The following TMEM178B variants were observed in gnomAD, a reference collection of about 807,000 sequenced individuals.
The protein encoded by TMEM178B is transmembrane protein 178B.
Under a neutral mutation model 31.0 loss-of-function variants are expected in TMEM178B, and 5 were observed. The observed-to-expected ratio is 0.16, with a 90% confidence interval of 0.08 to 0.34. TMEM178B has a LOEUF of 0.34. TMEM178B is among the 10% of genes least tolerant of loss of function. The pLI is 1.00. For synonymous variants in TMEM178B, 164 were observed against 164.0 expected (o/e 1.00, Z 0.00); for missense variants, 275 against 400.3 (o/e 0.69, Z 2.67).
intron 2 of TMEM178B, among the ~76,000 whole-genome samples, chr7:141,217,732 A>G (rs536357303): frequency 6.6e-6 from 1 of 152,128 alleles, no homozygotes; most frequent in East Asian, 1.9e-4. Flanking sequence ...AGCTGTTACT[A>G]AGGTTCCCTC....
intron 2 of TMEM178B, among the ~76,000 whole-genome samples, chr7:141,366,001 T>A (rs1799997547): frequency 6.6e-6 from 1 of 152,182 alleles, no homozygotes; most frequent in African/African-American, 2.4e-5. Context: ...GCCTCTCCCA[T>A]CTCTTGGAGC....
intron 1 of TMEM178B, among the ~76,000 whole-genome samples, chr7:141,179,428 G>A (rs572373370): frequency 9.8e-4 from 149 of 152,310 alleles, no homozygotes; most frequent in Non-Finnish European, 1.8e-3. Context: ...GCAAGGAGAG[G>A]CTTTCTGATA....
intron 2 of TMEM178B, among the ~76,000 whole-genome samples, chr7:141,421,017 C>T (rs1454732369): frequency 6.6e-6 from 1 of 152,142 alleles, no homozygotes; most frequent in Non-Finnish European, 1.5e-5. Context: ...AAAGTAAGAA[C>T]TAGAAGAAGG....
intron 2 of TMEM178B, among the ~76,000 whole-genome samples, chr7:141,382,238 C>T (rs1422586807): frequency 6.6e-6 from 1 of 152,226 alleles, no homozygotes; most frequent in Non-Finnish European, 1.5e-5. Flanking sequence ...AGGTCAATAT[C>T]CAGACTCCTC....
intron 2 of TMEM178B, among the ~76,000 whole-genome samples, chr7:141,254,465 C>T (rs1797890098): frequency 6.6e-6 from 1 of 152,174 alleles, no homozygotes; most frequent in Non-Finnish European, 1.5e-5. Flanking sequence ...CACCTGTAAT[C>T]CCAGCACTCT....
intron 2 of TMEM178B, among the ~76,000 whole-genome samples, chr7:141,229,519 T>C (rs1283585270): frequency 6.6e-6 from 1 of 152,200 alleles, no homozygotes; most frequent in Non-Finnish European, 1.5e-5. Context: ...TTCCATCGGC[T>C]TATTTTATTT....
intron 2 of TMEM178B, among the ~76,000 whole-genome samples, chr7:141,241,195 G>C (rs189098544): frequency 1.3e-5 from 2 of 151,440 alleles, no homozygotes; most frequent in African/African-American, 4.8e-5. Context: ...CTGAGTCTCT[G>C]AAGTCCATTA....
At chr7:141,343,000 G>T (rs564756423) in intron 2 of TMEM178B, among the ~76,000 whole-genome samples, 1 of 152,252 alleles carries the variant, frequency 6.6e-6, no homozygotes, top group South Asian at 2.1e-4. Flanking sequence ...GGACTCACCC[G>T]GATGGCTCAG....
At chr7:141,149,935 A>G (rs1175881297) in intron 1 of TMEM178B, among the ~76,000 whole-genome samples, 2 of 152,174 alleles carry the variant, frequency 1.3e-5, no homozygotes. Context: ...CTGATGCAGC[A>G]GTGGAGATGG....
intron 1 of TMEM178B, among the ~76,000 whole-genome samples, chr7:141,131,058 G>C (rs995753656): frequency 1.3e-5 from 2 of 152,144 alleles, no homozygotes; most frequent in African/African-American, 4.8e-5. Flanking sequence ...GCCTGGACCT[G>C]GTAGACTCTC....
At chr7:141,244,765 T>C (rs1242189802) in intron 2 of TMEM178B, among the ~76,000 whole-genome samples, 1 of 152,024 alleles carries the variant, frequency 6.6e-6, no homozygotes, top group Non-Finnish European at 1.5e-5. Context: ...TAGGATGTGT[T>C]TCCAGGATGA....
chr7:141,229,190 G>A (rs1797400884), intron 2 of TMEM178B, among the ~76,000 whole-genome samples: 1 of 151,544 alleles, frequency 6.6e-6, no homozygotes, highest in Non-Finnish European at 1.5e-5. Flanking sequence ...GATTCAATTG[G>A]AGGCTGAATA....
At chr7:141,416,556 C>T (rs982345988) in intron 2 of TMEM178B, among the ~76,000 whole-genome samples, 7 of 152,202 alleles carry the variant, frequency 4.6e-5, no homozygotes, top group Admixed American at 2.0e-4. Context: ...AAAAAATCCA[C>T]GATCCATTTA....
At chr7:141,432,162 T>TTTTC (rs1801444557) in intron 2 of TMEM178B, among the ~76,000 whole-genome samples, 2 of 128,118 alleles carry the variant, frequency 1.6e-5, no homozygotes, top group Non-Finnish European at 3.3e-5. Flanking sequence ...TTTTTTTTTT[T>TTTTC]TTTTTTTTTT....
At chr7:141,387,930 C>T (rs1339875489) in intron 2 of TMEM178B, among the ~76,000 whole-genome samples, 1 of 152,188 alleles carries the variant, frequency 6.6e-6, no homozygotes, top group Non-Finnish European at 1.5e-5. Flanking sequence ...CCCACTCCCT[C>T]ACTCTCTCCC....
At chr7:141,257,591 A>C (rs1797947980) in intron 2 of TMEM178B, among the ~76,000 whole-genome samples, 1 of 152,184 alleles carries the variant, frequency 6.6e-6, no homozygotes, top group Non-Finnish European at 1.5e-5. Context: ...TCTGACTGCA[A>C]AAACTCCCCT....
At chr7:141,250,113 A>AT (rs1797806181) in intron 2 of TMEM178B, among the ~76,000 whole-genome samples, 1 of 152,160 alleles carries the variant, frequency 6.6e-6, no homozygotes, top group South Asian at 2.1e-4. Flanking sequence ...TATTCCTGGC[A>AT]TTTTAGATTG....
chr7:141,256,084 CTCTG>C (rs369659399), intron 2 of TMEM178B, among the ~76,000 whole-genome samples: 36 of 152,118 alleles, frequency 2.4e-4, no homozygotes, highest in African/African-American at 8.0e-4. Flanking sequence ...CCATCCCTCC[CTCTG>C]TCTATCTATT....
intron 1 of TMEM178B, among the ~76,000 whole-genome samples, chr7:141,122,968 A>G (rs1161240808): frequency 6.6e-6 from 1 of 152,224 alleles, no homozygotes; most frequent in East Asian, 1.9e-4. Context: ...TGGAAATTCC[A>G]GTTGTGGTCA....
Sources: gnomAD v4.1 joint callset for allele counts (sites outside exome capture counted in the v4.1 genomes callset) on GRCh38, gnomAD v4.1.1 for gene constraint, MANE v1.5 for transcripts, NCBI Gene and HGNC (gene_info 2026-07-23, HGNC 2026-07-21) for gene names.